Variants in ANKRD55 observed in about 807,000 individuals in gnomAD.
ANKRD55 encodes the protein ankyrin repeat domain-containing protein 55.
In ANKRD55, 41 loss-of-function variants were observed where a neutral mutation model predicts 60.6. That is an observed-to-expected ratio of 0.68 (90% confidence interval 0.53 to 0.88). The LOEUF (loss-of-function observed/expected upper bound fraction) is 0.88. Among genes scored for constraint, ANKRD55 ranks in the 40% least tolerant of loss-of-function variants. The pLI, the probability that ANKRD55 is intolerant of heterozygous loss-of-function variation, is 0.00. For synonymous variants in ANKRD55, 264 were observed against 290.3 expected (o/e 0.91, Z 0.92); for missense variants, 732 against 767.6 (o/e 0.95, Z 0.55).
At chr5:56,122,149 A>G (rs1757082676) in intron 8 of ANKRD55, among the ~76,000 whole-genome samples, 5 of 152,220 alleles carry the variant, frequency 3.3e-5, no homozygotes, top group Admixed American at 3.3e-4. Flanking sequence ...AATGTTTCTT[A>G]AGTGTAGATT....
chr5:56,100,671 C>T lies in ANKRD55; in HGVS notation c.1724-367G>A, dbSNP rs780562282. On this transcript the variant is annotated intron_variant, in intron 11 of 11. Coordinates refer to ENST00000341048, the MANE Select transcript of ANKRD55 (RefSeq NM_024669.3). ...TTGTACTGTGCTTTTATGCAAACCT[C>T]AAAAGGCTCTCAGGCTTCTTTTAAG... Among the ~76,000 whole-genome samples the T allele has an allele frequency of 1.9e-4, 29 of 152,306 alleles. 1 individual carries two copies. Among genetic ancestry groups the T allele is most frequent in the Non-Finnish European group, 3.2e-4 (22 of 68,018 alleles).
chr5:56,213,944 G>C (rs1005263313), intron 2 of ANKRD55, among the ~76,000 whole-genome samples: 1 of 152,222 alleles, frequency 6.6e-6, no homozygotes, highest in East Asian at 1.9e-4. Context: ...AATTTATAAA[G>C]GAAAGATGTT....
intron 6 of ANKRD55, among the ~76,000 whole-genome samples, chr5:56,158,449 T>C (rs180698673): frequency 2.5e-4 from 38 of 152,328 alleles, no homozygotes; most frequent in African/African-American, 8.9e-4. Context: ...TAAGGAAAAT[T>C]AGTACTGCAT....
At chr5:56,216,958 G>A (rs1301295906) in intron 2 of ANKRD55, among the ~76,000 whole-genome samples, 1 of 152,204 alleles carries the variant, frequency 6.6e-6, no homozygotes, top group Admixed American at 6.5e-5. Flanking sequence ...AGATAAAACA[G>A]CCTTCTATTG....
intron 2 of ANKRD55, among the ~76,000 whole-genome samples, chr5:56,221,349 A>T (rs111594788): frequency 0.024 from 3,682 of 152,240 alleles, 153 homozygotes; most frequent in African/African-American, 0.083. Flanking sequence ...TGGATTTAAA[A>T]CCTGCACATT....
intron 8 of ANKRD55, among the ~76,000 whole-genome samples, chr5:56,123,466 A>C (rs1757140651): frequency 6.6e-6 from 1 of 152,194 alleles, no homozygotes; most frequent in Admixed American, 6.5e-5. Flanking sequence ...GTGATCAATC[A>C]CACTGCATAT....
Position 56,106,420 on chromosome 5 carries a change from C to CTTTTT in ANKRD55, c.1631-3839_1631-3835dup, listed in dbSNP as rs71602938. 5.2e-4 allele frequency among the ~76,000 whole-genome samples: 50 copies of CTTTTT among 96,904 alleles called. 5 individuals carry two copies. Among genetic ancestry groups the CTTTTT allele is most frequent in the South Asian group, 3.4e-3 (11 of 3,260 alleles). 63.6% of individuals were successfully genotyped at this position (96,904 alleles called of 152,430 possible). A position where few individuals can be genotyped will look rare whatever the true frequency, so the allele number is the denominator to read the frequency against. ...AATAAAATCCGTAAGGCTAGGAAAG[C>CTTTTT]TTTTTTTTTTTTTTTTTTTTTTTGA... On this transcript the variant is annotated intron_variant, in intron 10 of 11. Transcript: ENST00000341048.
intron 2 of ANKRD55, among the ~76,000 whole-genome samples, chr5:56,196,762 A>C (rs1389668474): frequency 6.6e-6 from 1 of 152,192 alleles, no homozygotes; most frequent in Non-Finnish European, 1.5e-5. Context: ...CTTGCCTAGG[A>C]TGTTGTTAAA....
rs533859630 is a variant in ANKRD55, at chr5:56,115,959, A to T, written c.965+656T>A. Among the ~76,000 whole-genome samples the T allele has an allele frequency of 4.6e-5, 7 of 151,986 alleles. No individual in the cohort carries two copies. The East Asian group carries it at 9.7e-4, about 21-fold the overall frequency. On this transcript the variant is annotated intron_variant, in intron 9 of 11. Transcript: ENST00000341048. The stretch of plus-strand genomic sequence containing the variant: ...AAACTCCATCGCCCAGGTTCAAGCT[A>T]TTCTCTTGCCTCAGCCTCCCAAGTA...
intron 7 of ANKRD55, chr5:56,137,095 A>G: frequency 1.0e-6 from 1 of 975,830 alleles, no homozygotes; most frequent in Admixed American, 1.7e-5. Context: ...CAGGGTAGGC[A>G]TATATGAAAA....
At chr5:56,173,563 TCTCTCTC>T (rs1758659484) in intron 4 of ANKRD55, among the ~76,000 whole-genome samples, 2 of 118,830 alleles carry the variant, frequency 1.7e-5, no homozygotes, top group African/African-American at 7.1e-5. Flanking sequence ...TCTCTCTCTC[TCTCTCTC>T]TCTCTCTCTC....
At chr5:56,218,184 A>G (rs1384086297) in intron 2 of ANKRD55, among the ~76,000 whole-genome samples, 2 of 152,212 alleles carry the variant, frequency 1.3e-5, no homozygotes, top group Non-Finnish European at 2.9e-5. Flanking sequence ...GACACTGTGA[A>G]TATTGTTGAA....
intron 8 of ANKRD55, among the ~76,000 whole-genome samples, chr5:56,117,476 C>T (rs750265288): frequency 1.3e-5 from 2 of 151,880 alleles, no homozygotes; most frequent in Non-Finnish European, 2.9e-5. Context: ...TTTTTTGAGA[C>T]AGAGTCTCAC....
intron 7 of ANKRD55, chr5:56,127,571 C>T: frequency 1.0e-6 from 1 of 984,984 alleles, no homozygotes; most frequent in Non-Finnish European, 1.2e-6. Flanking sequence ...CGCAGTGATG[C>T]ACTTAAAAAG....
At chr5:56,176,390 C>T (rs1246611044) in intron 3 of ANKRD55, 108 bp from the exon 4 acceptor site, 1 of 1,267,046 alleles carries the variant, frequency 7.9e-7, no homozygotes, top group Non-Finnish European at 1.1e-6. Flanking sequence ...ACAAACCCAG[C>T]TGTTTGTATG....
chr5:56,197,161 A>G (rs1759246736), intron 2 of ANKRD55, among the ~76,000 whole-genome samples: 1 of 152,220 alleles, frequency 6.6e-6, no homozygotes, highest in Non-Finnish European at 1.5e-5. Flanking sequence ...GTAGTCCAGG[A>G]TCACATAATA....
intron 6 of ANKRD55, among the ~76,000 whole-genome samples, chr5:56,144,629 G>A (rs1444596705): frequency 6.6e-6 from 1 of 152,194 alleles, no homozygotes; most frequent in Non-Finnish European, 1.5e-5. Context: ...TAATTCAGTG[G>A]AGAGACAATG....
intron 2 of ANKRD55, among the ~76,000 whole-genome samples, chr5:56,191,500 A>C (rs184166577): frequency 3.3e-5 from 5 of 152,296 alleles, no homozygotes; most frequent in African/African-American, 1.2e-4. Context: ...CTTTTATGCA[A>C]ACAATTTTAT....
intron 7 of ANKRD55, among the ~76,000 whole-genome samples, chr5:56,138,355 T>C (rs990829286): frequency 1.3e-5 from 2 of 152,142 alleles, no homozygotes; most frequent in African/African-American, 2.4e-5. Flanking sequence ...CTCAAACTCC[T>C]GATCTCATGA....
Sources: gnomAD v4.1 joint callset for allele counts (sites outside exome capture counted in the v4.1 genomes callset) on GRCh38, gnomAD v4.1.1 for gene constraint, MANE v1.5 for transcripts, NCBI Gene and HGNC (gene_info 2026-07-23, HGNC 2026-07-21) for gene names.